Variants in BCKDHB observed in about 807,000 individuals in gnomAD.
BCKDHB encodes the protein branched chain keto acid dehydrogenase E1 subunit beta, also known as 2-oxoisovalerate dehydrogenase subunit beta, mitochondrial.
Under a neutral mutation model 48.5 loss-of-function variants are expected in BCKDHB, and 41 were observed. The observed-to-expected ratio is 0.85, with a 90% CI of 0.66 to 1.10. BCKDHB has a LOEUF of 1.10. Among genes scored for constraint, BCKDHB ranks in the 50% least tolerant of loss-of-function variants. The probability of loss-of-function intolerance (pLI) is 0.00; values close to 1 mark genes in which losing one functional copy is unlikely to be tolerated. For synonymous variants in BCKDHB, 201 were observed against 174.8 expected, an observed-to-expected ratio of 1.15 and a Z score of -1.18; for missense variants, 496 against 494.2, an observed-to-expected ratio of 1.00 and a Z score of -0.03.
At chr6:80,263,355 G>T (rs1216968587) in intron 8 of BCKDHB, among the ~76,000 whole-genome samples, 1 of 152,098 alleles carries the variant, frequency 6.6e-6, no homozygotes, top group Non-Finnish European at 1.5e-5. Flanking sequence ...TAATAACTTA[G>T]ATACATAATT....
In BCKDHB at chr6:80,167,808, T is replaced by TGCAGGGAAAATGAATGAA. The variant is rs1287167852; in HGVS notation, c.474_475insGCAGGGAAAATGAATGAA (p.Asp158_Gln159insAlaGlyLysMetAsnGlu). The TGCAGGGAAAATGAATGAA allele has an allele frequency of 6.2e-7, 1 of 1,613,622 alleles. No homozygotes were observed. The highest frequency in any genetic ancestry group is 1.1e-5 in the South Asian group (1 of 91,002). On this transcript the variant is annotated inframe_insertion, in exon 4 of 10. Transcript: ENST00000320393. Reference sequence around the variant, plus strand: ...CAGATTATATTTTCCCTGCATTTGATCAGGTAAGTGAATGAACATTTCTAA... The same window carrying TGCAGGGAAAATGAATGAA: ...CAGATTATATTTTCCCTGCATTTGATGCAGGGAAAATGAATGAACAGGTAAGTGAATGAACATTTCTAA...
the BCKDHB span, among the ~76,000 whole-genome samples, chr6:80,432,836 A>G: frequency 6.6e-6 from 1 of 151,980 alleles, no homozygotes. Context: ...TTCATCTTCA[A>G]TGTTAGTGAC....
chr6:80,334,855 G>A (rs1769493398), intron 9 of BCKDHB, among the ~76,000 whole-genome samples: 1 of 151,698 alleles, frequency 6.6e-6, no homozygotes, highest in African/African-American at 2.4e-5. Flanking sequence ...ATTACAATTT[G>A]TAAAATAGCA....
intron 6 of BCKDHB, among the ~76,000 whole-genome samples, chr6:80,180,166 A>G (rs1773345409): frequency 6.6e-6 from 1 of 152,158 alleles, no homozygotes; most frequent in African/African-American, 2.4e-5. Flanking sequence ...TTATGCAGCA[A>G]TTTTCTTGAA....
At chr6:80,310,885 ATGTATGTCTT>A (rs57234792) in intron 9 of BCKDHB, among the ~76,000 whole-genome samples, 58,349 of 151,748 alleles carry the variant, frequency 0.38, 12,824 homozygotes, top group Admixed American at 0.56. Flanking sequence ...TGATGGCCAC[ATGTATGTCTT>A]CTTTTGAGAT....
intron 2 of BCKDHB, 48 bp downstream of exon 2, chr6:80,127,672 A>G: frequency 6.7e-7 from 1 of 1,496,682 alleles, no homozygotes; most frequent in Non-Finnish European, 9.3e-7. Flanking sequence ...TAATTCCAGA[A>G]TTGAAGATTT....
chr6:80,220,304 G>GTTTTTTTTTTTTT (rs56967096), intron 8 of BCKDHB, among the ~76,000 whole-genome samples: 4 of 60,854 alleles, frequency 6.6e-5, no homozygotes, highest in African/African-American at 1.3e-4. Context: ...CATGCTATTT[G>GTTTTTTTTTTTTT]TTTTTTTTTT....
chr6:80,341,465 TCAA>T (rs1769902357), intron 9 of BCKDHB, among the ~76,000 whole-genome samples: 5 of 152,204 alleles, frequency 3.3e-5, no homozygotes, highest in African/African-American at 1.2e-4. Context: ...TGTTTACAGT[TCAA>T]GTGTGTCTTC....
chr6:80,375,805 C>CA, the BCKDHB span, among the ~76,000 whole-genome samples: 1 of 152,178 alleles, frequency 6.6e-6, no homozygotes, highest in East Asian at 1.9e-4. Context: ...ATCTGGGACT[C>CA]ATGGGCTACT....
At chr6:80,312,096 T>A (rs1266326101) in intron 9 of BCKDHB, among the ~76,000 whole-genome samples, 3 of 152,252 alleles carry the variant, frequency 2.0e-5, no homozygotes, top group Non-Finnish European at 4.4e-5. Context: ...TCTCTGGATT[T>A]CTTTGAGCAG....
At chr6:80,289,386 A>G (rs1766796449) in intron 9 of BCKDHB, among the ~76,000 whole-genome samples, 1 of 152,180 alleles carries the variant, frequency 6.6e-6, no homozygotes. Context: ...ACTGATTAAT[A>G]GCAAAAAGAT....
At chr6:80,129,465 A>T (rs1412161287) in intron 3 of BCKDHB, among the ~76,000 whole-genome samples, 3 of 152,164 alleles carry the variant, frequency 2.0e-5, no homozygotes, top group Non-Finnish European at 4.4e-5. Context: ...AATAATTGTC[A>T]TTAAATGTAT....
intron 3 of BCKDHB, among the ~76,000 whole-genome samples, chr6:80,166,657 A>C (rs1328477694): frequency 3.5e-5 from 2 of 56,822 alleles, no homozygotes; most frequent in East Asian, 2.1e-3. Flanking sequence ...ACTCCATCTC[A>C]AAAAAAAAAA....
rs368658466 is a variant in BCKDHB, at chr6:80,258,011, C to T, written c.952-15124C>T. Among the ~76,000 whole-genome samples, 8 of 151,894 alleles carry T rather than the reference C, an allele frequency of 5.3e-5. No homozygotes were observed. In the East Asian group the frequency reaches 1.6e-3, roughly 29 times the overall value. On this transcript the variant is annotated intron_variant, in intron 8 of 9. Transcript: ENST00000320393. ...ATATTTATTATAAAAATCTATAAAT[C>T]AGGACATGAATTGTTTATATATAAG...
intron 8 of BCKDHB, among the ~76,000 whole-genome samples, chr6:80,213,815 C>T (rs1036886037): frequency 6.6e-6 from 1 of 152,040 alleles, no homozygotes; most frequent in African/African-American, 2.4e-5. Context: ...AAGATGAAGA[C>T]ATACTCATAG....
At chr6:80,133,247 A>G (rs1770720339) in intron 3 of BCKDHB, among the ~76,000 whole-genome samples, 1 of 152,236 alleles carries the variant, frequency 6.6e-6, no homozygotes, top group Non-Finnish European at 1.5e-5. Context: ...ATTGTGGGTT[A>G]CTGACATACG....
intron 8 of BCKDHB, among the ~76,000 whole-genome samples, chr6:80,205,693 T>C (rs570835780): frequency 6.6e-6 from 1 of 152,068 alleles, no homozygotes; most frequent in South Asian, 2.1e-4. Context: ...AATTCTGAAC[T>C]TGATATTAAA....
chr6:80,127,257 T>C, intron 1 of BCKDHB: 1 of 362,006 alleles, frequency 2.8e-6, no homozygotes, highest in Non-Finnish European at 5.2e-6. Context: ...TTTCTGACTT[T>C]CCATAGGTCT....
intron 8 of BCKDHB, among the ~76,000 whole-genome samples, chr6:80,252,108 A>G (rs1231471302): frequency 6.6e-6 from 1 of 152,194 alleles, no homozygotes; most frequent in Admixed American, 6.5e-5. Context: ...CATCATTTTT[A>G]TAGGCGAAGA....
Sources: allele counts gnomAD v4.1 joint callset (sites outside exome capture counted in the v4.1 genomes callset), GRCh38; gene constraint gnomAD v4.1.1; transcripts MANE v1.5; gene names NCBI Gene and HGNC (gene_info 2026-07-23, HGNC 2026-07-21).